PRKAR2A: variants seen among roughly 807,000 people sequenced by gnomAD.
PRKAR2A encodes protein kinase cAMP-dependent type II regulatory subunit alpha.
A neutral mutation model predicts 51.9 loss-of-function variants in PRKAR2A; 29 were observed. That is an observed-to-expected ratio of 0.56 (90% CI 0.42 to 0.76). The LOEUF (loss-of-function observed/expected upper bound fraction) is 0.76. Ranked by LOEUF, PRKAR2A falls within the 30% of genes least tolerant of loss-of-function variation. The pLI, the probability that PRKAR2A is intolerant of heterozygous loss-of-function variation, is 0.00. For synonymous variants in PRKAR2A, 178 were observed against 186.2 expected (o/e 0.96, Z 0.36); for missense variants, 445 against 512.1 (o/e 0.87, Z 1.26).
At chr3:48,795,736 C>T (rs2082481312) in intron 2 of PRKAR2A, among the ~76,000 whole-genome samples, 2 of 152,208 alleles carry the variant, frequency 1.3e-5, no homozygotes, top group South Asian at 2.1e-4. Flanking sequence ...GGAGTTTCAC[C>T]ATGTTGGCCA....
intron 9 of PRKAR2A, among the ~76,000 whole-genome samples, chr3:48,752,921 T>G (rs1426192790): frequency 2.8e-4 from 28 of 98,982 alleles, no homozygotes; most frequent in Non-Finnish European, 5.6e-4. Flanking sequence ...TCCTCCTTTT[T>G]TTTTTTTTTT....
chr3:48,834,436 T>G (rs1273464771), intron 1 of PRKAR2A, among the ~76,000 whole-genome samples: 1 of 152,234 alleles, frequency 6.6e-6, no homozygotes, highest in East Asian at 1.9e-4. Flanking sequence ...TTTTATGCTT[T>G]AAGAATGTGA....
intron 6 of PRKAR2A, among the ~76,000 whole-genome samples, chr3:48,765,567 T>A (rs903770434): frequency 6.6e-6 from 1 of 151,982 alleles, no homozygotes; most frequent in Non-Finnish European, 1.5e-5. Flanking sequence ...TAGCACTCAA[T>A]AGGTGCCACC....
At position 48,771,804 on chromosome 3, in the gene PRKAR2A, A is replaced by G. The variant is rs138209489; in HGVS notation, c.696+1151T>C. 4.6e-5 allele frequency among the ~76,000 whole-genome samples: 7 copies of G among 152,252 alleles called. No homozygotes were observed. The East Asian group carries it at 1.2e-3, about 25-fold the overall frequency. ...GGGTGAATGTTCCATGGGCTTGAAAAAAATGTTCATTCTGTTGTTGCTGTG... is the reference window on the plus strand; with the variant it reads ...GGGTGAATGTTCCATGGGCTTGAAAGAAATGTTCATTCTGTTGTTGCTGTG... On this transcript the variant is annotated intron_variant, in intron 6 of 10. Coordinates refer to ENST00000265563, the MANE Select transcript of PRKAR2A (RefSeq NM_004157.4).
chr3:48,781,110 A>G (rs2082188509), intron 5 of PRKAR2A, among the ~76,000 whole-genome samples: 1 of 149,924 alleles, frequency 6.7e-6, no homozygotes, highest in Non-Finnish European at 1.5e-5. Context: ...AACTGGGACC[A>G]CAGGCGTGCA....
intron 2 of PRKAR2A, among the ~76,000 whole-genome samples, chr3:48,800,494 AGAGC>A (rs1406031880): frequency 1.1e-4 from 16 of 151,158 alleles, no homozygotes; most frequent in African/African-American, 3.9e-4. Context: ...CCTGAGTAAC[AGAGC>A]GAGACTCCGT....
At chr3:48,771,769 T>C (rs1012264061) in intron 6 of PRKAR2A, among the ~76,000 whole-genome samples, 6 of 152,166 alleles carry the variant, frequency 3.9e-5, no homozygotes, top group South Asian at 4.1e-4. Flanking sequence ...TTCCAGGATA[T>C]GGCCTATTTG....
Position 48,765,322 on chromosome 3 carries a change from C to T in PRKAR2A, c.724G>A (p.Val242Met). The T allele has an allele frequency of 6.2e-7, 1 of 1,611,642 alleles. No individual in the cohort carries two copies. The highest frequency in any genetic ancestry group is 8.5e-7 in the Non-Finnish European group (1 of 1,178,848). ...LDRVTFRRIIVKNNAKKRKMF... is the reference protein window; with the variant it reads ...LDRVTFRRIIMKNNAKKRKMF... ...TTCCTCTTCTTTGCATTATTTTTCACTATGATTCTTCTAAAAGTCACCCGG... is the reference window on the plus strand; with the variant it reads ...TTCCTCTTCTTTGCATTATTTTTCATTATGATTCTTCTAAAAGTCACCCGG... The change falls in exon 7 of 11, where the codon GTG (valine) becomes ATG (methionine). Residue 242 changes from valine (V) to methionine (M), a missense_variant. Physicochemically the swap from Val to Met is conservative, Grantham distance 21. Transcript: ENST00000265563.
chr3:48,810,895 G>T (rs987149706), intron 1 of PRKAR2A, among the ~76,000 whole-genome samples: 1 of 152,082 alleles, frequency 6.6e-6, no homozygotes, highest in Non-Finnish European at 1.5e-5. Flanking sequence ...ATTGACAAGG[G>T]GCCGGGTGCA....
intron 2 of PRKAR2A, among the ~76,000 whole-genome samples, chr3:48,802,305 G>A (rs1194698013): frequency 1.3e-5 from 2 of 152,180 alleles, no homozygotes; most frequent in Non-Finnish European, 2.9e-5. Flanking sequence ...GCCTCCCAAA[G>A]TGGTGGGATT....
intron 6 of PRKAR2A, among the ~76,000 whole-genome samples, chr3:48,768,330 T>TAGATAGATAGATAGATAGACAGAC (rs1168217616): frequency 2.7e-4 from 40 of 150,742 alleles, no homozygotes; most frequent in African/African-American, 8.5e-4. Flanking sequence ...GATAGATAGA[T>TAGATAGATAGATAGATAGACAGAC]AGATAGATAG....
intron 2 of PRKAR2A, among the ~76,000 whole-genome samples, chr3:48,794,389 G>GATCCACCTGATGTAT (rs1365795048): frequency 6.6e-6 from 1 of 151,916 alleles, no homozygotes; most frequent in African/African-American, 2.4e-5. Context: ...GACATCAGGT[G>GATCCACCTGATGTAT]ATCCACCTGA....
At chr3:48,829,767 TATATATACGCATGTATATAAA>T (rs2083148328) in intron 1 of PRKAR2A, among the ~76,000 whole-genome samples, 1 of 139,414 alleles carries the variant, frequency 7.2e-6, no homozygotes, top group African/African-American at 2.6e-5. Context: ...TATACATACG[TATATATACGCATGTATATAAA>T]ATATATGCGT....
Position 48,748,164 on chromosome 3 carries a change from GT to G in PRKAR2A, c.*3420del, listed in dbSNP as rs1243558211. The G allele has an allele frequency of 7.0e-6, 1 of 142,348 alleles. No homozygotes were observed. The allele number at this position is 142,348 out of a possible 1,614,324, so 8.8% of individuals were successfully genotyped here. ...TTTTTTTGAGATAGGGTCCCACTTT[GT>G]CCCCCAGACTGGAGTGCAGTGGCAC... On this transcript the variant is annotated 3_prime_UTR_variant, in exon 11 of 11. Coordinates refer to ENST00000265563, the MANE Select transcript of PRKAR2A (RefSeq NM_004157.4).
chr3:48,758,050 C>A (rs1304411954), intron 8 of PRKAR2A, among the ~76,000 whole-genome samples: 2 of 151,560 alleles, frequency 1.3e-5, no homozygotes, highest in Non-Finnish European at 2.9e-5. Context: ...GAACGAAACT[C>A]TGTCTCAAAA....
chr3:48,841,959 GAT>G (rs1559655090), intron 1 of PRKAR2A, among the ~76,000 whole-genome samples: 2 of 152,052 alleles, frequency 1.3e-5, no homozygotes, highest in African/African-American at 4.8e-5. Flanking sequence ...AAAGAATGAC[GAT>G]ATAATACAAA....
At chr3:48,779,559 T>C (rs977967118) in intron 5 of PRKAR2A, among the ~76,000 whole-genome samples, 7 of 151,362 alleles carry the variant, frequency 4.6e-5, no homozygotes, top group African/African-American at 1.7e-4. Flanking sequence ...GGCGGGTGGA[T>C]TGCTTGAGGT....
intron 5 of PRKAR2A, among the ~76,000 whole-genome samples, chr3:48,773,393 G>C (rs1377408525): frequency 1.4e-5 from 2 of 141,096 alleles, no homozygotes; most frequent in African/African-American, 2.7e-5. Flanking sequence ...ACCCAGGCTG[G>C]AGTGCAGGGG....
intron 4 of PRKAR2A, among the ~76,000 whole-genome samples, chr3:48,788,547 G>A (rs1341415054): frequency 6.6e-6 from 1 of 152,146 alleles, no homozygotes; most frequent in Non-Finnish European, 1.5e-5. Flanking sequence ...GAAATCTGAA[G>A]ATTCTCTGTT....
Sources: gnomAD v4.1 joint callset for allele counts (sites outside exome capture counted in the v4.1 genomes callset) on GRCh38, gnomAD v4.1.1 for gene constraint, MANE v1.5 for transcripts, NCBI Gene and HGNC (gene_info 2026-07-23, HGNC 2026-07-21) for gene names.